The following AGMO variants were observed in gnomAD, a reference collection of about 807,000 sequenced individuals.
AGMO encodes the protein alkylglycerol monooxygenase.
Under a neutral mutation model 60.2 loss-of-function variants are expected in AGMO, and 75 were observed. The observed-to-expected ratio is 1.25, with a 90% CI of 1.03 to 1.51. The LOEUF (loss-of-function observed/expected upper bound fraction) is 1.51. AGMO is among the 40% of genes most tolerant of loss of function. AGMO has a pLI of 0.00. For missense variants in AGMO, 763 were observed against 525.5 expected (o/e 1.45, Z -4.42); for synonymous variants, 261 against 177.1 (o/e 1.47, Z -3.76).
At chr7:15,261,009 C>G (rs1783252811) in intron 12 of AGMO, among the ~76,000 whole-genome samples, 1 of 151,934 alleles carries the variant, frequency 6.6e-6, no homozygotes, top group African/African-American at 2.4e-5. Flanking sequence ...TGGGATACAG[C>G]AAAAGCAGAG....
chr7:15,457,414 A>G (rs1035336787), intron 3 of AGMO, among the ~76,000 whole-genome samples: 2 of 152,188 alleles, frequency 1.3e-5, no homozygotes, highest in Admixed American at 6.6e-5. Context: ...TTTTTCTGCA[A>G]ACTTCCTAAC....
chr7:15,255,355 C>G (rs1281436480), intron 12 of AGMO, among the ~76,000 whole-genome samples: 6 of 151,838 alleles, frequency 4.0e-5, no homozygotes, highest in African/African-American at 1.5e-4. Context: ...GAACTTAAAG[C>G]ACAATAAAAA....
chr7:15,342,579 C>A (rs1446642901), intron 12 of AGMO, among the ~76,000 whole-genome samples: 3 of 151,756 alleles, frequency 2.0e-5, no homozygotes, highest in East Asian at 3.9e-4. Flanking sequence ...AGGTTTTAGC[C>A]AGGTTCCTCA....
At chr7:15,212,659 C>A (rs1781628134) in intron 12 of AGMO, among the ~76,000 whole-genome samples, 1 of 151,882 alleles carries the variant, frequency 6.6e-6, no homozygotes, top group Non-Finnish European at 1.5e-5. Flanking sequence ...AAGGTTCTTA[C>A]AAGGGTAAGC....
At chr7:15,119,354 T>C in the AGMO span, among the ~76,000 whole-genome samples, 31 of 152,170 alleles carry the variant, frequency 2.0e-4, no homozygotes, top group Middle Eastern at 3.4e-3. Flanking sequence ...TTAAACCTCT[T>C]TTCTTTATAA....
At chr7:15,382,499 A>C (rs1226655147) in intron 10 of AGMO, among the ~76,000 whole-genome samples, 1 of 152,190 alleles carries the variant, frequency 6.6e-6, no homozygotes, top group Admixed American at 6.5e-5. Context: ...AAGTTCGCTC[A>C]GAAGAAATGT....
At chr7:15,236,001 G>A (rs1009596506) in intron 12 of AGMO, among the ~76,000 whole-genome samples, 1 of 151,954 alleles carries the variant, frequency 6.6e-6, no homozygotes, top group African/African-American at 2.4e-5. Context: ...TTAGTGGATG[G>A]GACCTCAAGA....
intron 12 of AGMO, among the ~76,000 whole-genome samples, chr7:15,324,248 T>G (rs4236284): frequency 1.3e-5 from 2 of 151,936 alleles, no homozygotes; most frequent in Non-Finnish European, 2.9e-5. Context: ...TGTGCCATAG[T>G]TGAGACAGAA....
intron 12 of AGMO, among the ~76,000 whole-genome samples, chr7:15,360,084 C>CAAATA (rs1317018136): frequency 6.6e-6 from 1 of 152,156 alleles, no homozygotes; most frequent in African/African-American, 2.4e-5. Flanking sequence ...CATTTACAGA[C>CAAATA]ATTATTATAA....
chr7:15,209,379 T>G (rs1781522355), intron 12 of AGMO, among the ~76,000 whole-genome samples: 1 of 117,724 alleles, frequency 8.5e-6, no homozygotes, highest in Admixed American at 8.8e-5. Context: ...CAAAAAAAAG[T>G]CTCAAAAAAT....
chr7:15,357,794 A>C (rs1221784520), intron 12 of AGMO, among the ~76,000 whole-genome samples: 1 of 152,220 alleles, frequency 6.6e-6, no homozygotes, highest in East Asian at 1.9e-4. Context: ...CTGCTGAATG[A>C]GTAGGCCCAG....
At chr7:15,295,430 T>C (rs185820333) in intron 12 of AGMO, among the ~76,000 whole-genome samples, 4 of 152,008 alleles carry the variant, frequency 2.6e-5, no homozygotes, top group East Asian at 1.9e-4. Context: ...AGATGAGAAA[T>C]TGTGGTTTAA....
intron 3 of AGMO, among the ~76,000 whole-genome samples, chr7:15,525,577 G>A (rs903224996): frequency 2.6e-5 from 4 of 152,028 alleles, no homozygotes; most frequent in East Asian, 1.9e-4. Context: ...ATTCTTCTCC[G>A]CCCTCTTCAC....
intron 12 of AGMO, among the ~76,000 whole-genome samples, chr7:15,338,649 T>A (rs1267293369): frequency 2.0e-5 from 3 of 152,106 alleles, no homozygotes; most frequent in African/African-American, 7.2e-5. Context: ...TCTAAAGATT[T>A]ATCACTGTGC....
At chr7:15,459,591 A>ATGTATGTTTGTGTGTG (rs1554274856) in intron 3 of AGMO, among the ~76,000 whole-genome samples, 2 of 13,248 alleles carry the variant, frequency 1.5e-4, no homozygotes, top group African/African-American at 6.7e-4. Flanking sequence ...AAATGTGTGT[A>ATGTATGTTTGTGTGTG]TGTGCGTTTG....
At chr7:15,147,018 CA>C in the AGMO span, among the ~76,000 whole-genome samples, 2 of 151,712 alleles carry the variant, frequency 1.3e-5, no homozygotes, top group East Asian at 1.9e-4. Context: ...AAACAAAAAA[CA>C]AAAAAACCCA....
intron 1 of AGMO, 117 bp downstream of exon 1, chr7:15,561,603 A>G (rs1304691711): frequency 8.7e-6 from 9 of 1,034,964 alleles, no homozygotes; most frequent in Admixed American, 3.0e-5. Flanking sequence ...CTGAATTATT[A>G]TTATTAGAAT....
intron 2 of AGMO, among the ~76,000 whole-genome samples, chr7:15,545,850 CTT>C (rs1339392350): frequency 6.6e-6 from 1 of 151,764 alleles, no homozygotes; most frequent in Non-Finnish European, 1.5e-5. Flanking sequence ...ATTGAGTTGA[CTT>C]TTCCTTCTAT....
chr7:15,398,218 A>G (rs1235507543), intron 5 of AGMO, among the ~76,000 whole-genome samples: 1 of 152,086 alleles, frequency 6.6e-6, no homozygotes, highest in Non-Finnish European at 1.5e-5. Flanking sequence ...GCCAGATGTA[A>G]AGCCACACAA....
Sources: gnomAD v4.1 joint callset for allele counts (sites outside exome capture counted in the v4.1 genomes callset) on GRCh38, gnomAD v4.1.1 for gene constraint, MANE v1.5 for transcripts, NCBI Gene and HGNC (gene_info 2026-07-23, HGNC 2026-07-21) for gene names.